The following WWC2 variants were observed in gnomAD, a reference collection of about 807,000 sequenced individuals.
The protein encoded by WWC2 is WW and C2 domain containing 2.
A neutral mutation model predicts 138.5 loss-of-function variants in WWC2; 101 were observed. The observed-to-expected ratio is 0.73, with a 90% CI of 0.62 to 0.86. The LOEUF (loss-of-function observed/expected upper bound fraction) is 0.86, where lower values mean the gene tolerates loss of function less well. Ranked by LOEUF, WWC2 falls within the 40% of genes least tolerant of loss-of-function variation. The pLI is 0.00. For missense variants in WWC2, 1,420 were observed against 1,419.4 expected, an observed-to-expected ratio of 1.00 and a Z score of -0.01; for synonymous variants, 558 against 538.4, an observed-to-expected ratio of 1.04 and a Z score of -0.50.
intron 21 of WWC2, among the ~76,000 whole-genome samples, chr4:183,299,696 C>T (rs944854197): frequency 6.6e-6 from 1 of 152,186 alleles, no homozygotes; most frequent in African/African-American, 2.4e-5. Context: ...GGTACACCAG[C>T]ACCTGCACAC....
chr4:183,166,979 A>G (rs531704687), intron 1 of WWC2, among the ~76,000 whole-genome samples: 45 of 152,256 alleles, frequency 3.0e-4, no homozygotes, highest in Admixed American at 2.7e-3. Context: ...GTTAATACCA[A>G]GGCACCATGT....
chr4:183,188,593 G>T (rs1026669128), intron 1 of WWC2, among the ~76,000 whole-genome samples: 1 of 147,772 alleles, frequency 6.8e-6, no homozygotes, highest in African/African-American at 2.5e-5. Flanking sequence ...TATCTAATAT[G>T]ATCTCTCTCT....
In WWC2 at chr4:183,237,393, C is replaced by T. The variant is rs75293094; in HGVS notation, c.523-2790C>T. 4.5e-4 allele frequency among the ~76,000 whole-genome samples: 68 copies of T among 151,632 alleles called. No individual in the cohort carries two copies. The East Asian group carries it at 7.4e-3, about 16-fold the overall frequency. Reference sequence around the variant, plus strand: ...TAAATAGAAATACATGTAGAATGAGCTACTGATTGCTGTGGCTCTTTTGAT... The same window carrying T: ...TAAATAGAAATACATGTAGAATGAGTTACTGATTGCTGTGGCTCTTTTGAT... On this transcript the variant is annotated intron_variant, in intron 4 of 22. Coordinates refer to ENST00000403733, the MANE Select transcript of WWC2 (RefSeq NM_024949.6).
chr4:183,112,206 TTACCCCTGAAGG>T lies in WWC2; in HGVS notation c.131+12587_131+12598del, dbSNP rs202004709. ...TCTAACTCTACTTTCAGTCCTTCAT[TTACCCCTGAAGG>T]TATGCCTGTAGAACGTATGTAGATG... is the stretch of plus-strand genomic sequence containing the variant. On this transcript the variant is annotated intron_variant, in intron 1 of 22. Coordinates refer to ENST00000403733, the MANE Select transcript of WWC2 (RefSeq NM_024949.6). Among the ~76,000 whole-genome samples, 588 of 152,356 alleles carry T rather than the reference TTACCCCTGAAGG, an allele frequency of 3.9e-3. 3 individuals carry two copies. The highest frequency in any genetic ancestry group is 0.014 in the African/African-American group (563 of 41,590).
chr4:183,143,682 C>A (rs1332342910), intron 1 of WWC2, among the ~76,000 whole-genome samples: 2 of 151,906 alleles, frequency 1.3e-5, no homozygotes, highest in Non-Finnish European at 2.9e-5. Flanking sequence ...GTGGTGTGAG[C>A]CTGTGGTCCC....
At chr4:183,167,334 C>G (rs1294751571) in intron 1 of WWC2, among the ~76,000 whole-genome samples, 1 of 152,074 alleles carries the variant, frequency 6.6e-6, no homozygotes, top group East Asian at 1.9e-4. Context: ...GAGAATAAAG[C>G]CTTTTATACA....
At chr4:183,125,254 T>C (rs1426713100) in intron 1 of WWC2, among the ~76,000 whole-genome samples, 1 of 152,200 alleles carries the variant, frequency 6.6e-6, no homozygotes, top group Non-Finnish European at 1.5e-5. Flanking sequence ...AAGGGTATCA[T>C]GAAATCTGCT....
intron 21 of WWC2, 119 bp downstream of exon 21, chr4:183,289,754 C>T (rs1161494548): frequency 3.6e-6 from 5 of 1,397,318 alleles, no homozygotes; most frequent in African/African-American, 1.4e-5. Flanking sequence ...TGTTTTACTA[C>T]AGCTTGGAAC....
intron 2 of WWC2, among the ~76,000 whole-genome samples, chr4:183,196,394 A>G (rs535683341): frequency 6.6e-6 from 1 of 152,264 alleles, no homozygotes; most frequent in South Asian, 2.1e-4. Flanking sequence ...ATACGTGACC[A>G]CACCTGCCCA....
chr4:183,300,456 C>T (rs1238377693), intron 21 of WWC2, among the ~76,000 whole-genome samples: 1 of 151,556 alleles, frequency 6.6e-6, no homozygotes, highest in East Asian at 1.9e-4. Flanking sequence ...AATGTTAACA[C>T]TCTTAAAAGT....
At chr4:183,275,101 A>G (rs10015974) in intron 16 of WWC2, among the ~76,000 whole-genome samples, 107,893 of 151,930 alleles carry the variant, frequency 0.71, 38,637 homozygotes, top group Middle Eastern at 0.77. Context: ...CTCTCCAGCC[A>G]CTGTGGAACT....
In WWC2 at chr4:183,319,723, G is replaced by C. The variant is rs755176953; in HGVS notation, c.*3994G>C. ...AGTCCAGCAAACCAGCCCAGAAACA[G>C]GGCCTCCCCAAACTCCCACCTGGGG... On this transcript the variant is annotated 3_prime_UTR_variant, in exon 23 of 23. Transcript: ENST00000403733. 3.3e-5 allele frequency: 53 copies of C among 1,613,958 alleles called. No homozygotes were observed. Among genetic ancestry groups the C allele is most frequent in the Non-Finnish European group, 4.1e-5 (48 of 1,180,008 alleles).
intron 1 of WWC2, among the ~76,000 whole-genome samples, chr4:183,155,244 C>A (rs1305205172): frequency 1.4e-5 from 2 of 142,594 alleles, no homozygotes; most frequent in African/African-American, 5.6e-5. Context: ...GTGGTGAGGA[C>A]AGGCTTCCTG....
intron 11 of WWC2, among the ~76,000 whole-genome samples, chr4:183,263,256 A>G (rs891020536): frequency 7.2e-5 from 11 of 152,108 alleles, no homozygotes; most frequent in African/African-American, 1.9e-4. Context: ...CATTCAGCCA[A>G]TTTGGAGGGG....
intron 1 of WWC2, among the ~76,000 whole-genome samples, chr4:183,110,408 T>C (rs541503648): frequency 6.6e-6 from 1 of 151,770 alleles, no homozygotes; most frequent in South Asian, 2.1e-4. Context: ...TTGAAGCATG[T>C]CCCAAAGACT....
At chr4:183,209,947 C>G (rs1448855244) in intron 4 of WWC2, among the ~76,000 whole-genome samples, 1 of 152,136 alleles carries the variant, frequency 6.6e-6, no homozygotes, top group South Asian at 2.1e-4. Flanking sequence ...CTCATGAGCA[C>G]TGAGGGTTAA....
intron 1 of WWC2, among the ~76,000 whole-genome samples, chr4:183,159,722 T>A (rs1733904503): frequency 7.7e-6 from 1 of 130,522 alleles, no homozygotes; most frequent in African/African-American, 2.9e-5. Context: ...CCTTTTTTTT[T>A]TTTTTTTAAA....
intron 1 of WWC2, among the ~76,000 whole-genome samples, chr4:183,164,821 T>C (rs1010511378): frequency 6.6e-6 from 1 of 152,172 alleles, no homozygotes; most frequent in African/African-American, 2.4e-5. Flanking sequence ...ACCAATTCCA[T>C]GTGGCAGCCT....
At chr4:183,140,804 A>G (rs971373086) in intron 1 of WWC2, among the ~76,000 whole-genome samples, 3 of 152,190 alleles carry the variant, frequency 2.0e-5, no homozygotes, top group Non-Finnish European at 4.4e-5. Context: ...TAAAAGCCAC[A>G]GCCTTTACTG....
Sources: gnomAD v4.1 joint callset for allele counts (sites outside exome capture counted in the v4.1 genomes callset) on GRCh38, gnomAD v4.1.1 for gene constraint, MANE v1.5 for transcripts, NCBI Gene and HGNC (gene_info 2026-07-23, HGNC 2026-07-21) for gene names.